The following KCNJ6 variants were observed in gnomAD, a reference collection of about 807,000 sequenced individuals.
The protein encoded by KCNJ6 is potassium inwardly rectifying channel subfamily J member 6.
KCNJ6 carries 9 observed loss-of-function variants against 34.2 expected under a neutral mutation model. That is an observed-to-expected ratio of 0.26 (90% CI 0.16 to 0.46). The LOEUF (loss-of-function observed/expected upper bound fraction) is 0.46, where lower values mean the gene tolerates loss of function less well. Ranked by LOEUF, KCNJ6 falls within the 20% of genes least tolerant of loss-of-function variation. The probability of loss-of-function intolerance (pLI) is 1.00; values close to 1 mark genes in which losing one functional copy is unlikely to be tolerated. For synonymous variants in KCNJ6, 196 were observed against 207.1 expected (o/e 0.95, Z 0.46); for missense variants, 236 against 531.3 (o/e 0.44, Z 5.46).
At chr21:37,883,533 T>C (rs1013762572) in intron 1 of KCNJ6, among the ~76,000 whole-genome samples, 4 of 152,202 alleles carry the variant, frequency 2.6e-5, no homozygotes, top group African/African-American at 9.7e-5. Context: ...TAGTGCCAGG[T>C]GGGACATGGC....
chr21:37,700,515 G>A (rs1232450163), intron 3 of KCNJ6, among the ~76,000 whole-genome samples: 1 of 152,164 alleles, frequency 6.6e-6, no homozygotes, highest in African/African-American at 2.4e-5. Context: ...GAGTTGAGGG[G>A]ATGAGATTTT....
intron 1 of KCNJ6, among the ~76,000 whole-genome samples, chr21:37,858,803 A>G (rs769295689): frequency 6.6e-5 from 10 of 152,200 alleles, no homozygotes; most frequent in Non-Finnish European, 1.2e-4. Context: ...AAAGGGAGCT[A>G]TAGAAATATA....
At chr21:37,909,089 T>C (rs567154698) in intron 1 of KCNJ6, among the ~76,000 whole-genome samples, 49 of 152,320 alleles carry the variant, frequency 3.2e-4, no homozygotes, top group African/African-American at 1.1e-3. Flanking sequence ...GCTAGTTGGA[T>C]ATCACCACTC....
intron 1 of KCNJ6, among the ~76,000 whole-genome samples, chr21:37,860,159 G>A (rs73904477): frequency 0.023 from 3,521 of 152,134 alleles, 142 homozygotes; most frequent in African/African-American, 0.08. Flanking sequence ...CCTGCTGCTC[G>A]GTCCTACACT....
chr21:37,901,872 C>A (rs970461943), intron 1 of KCNJ6, among the ~76,000 whole-genome samples: 8 of 152,140 alleles, frequency 5.3e-5, no homozygotes, highest in Non-Finnish European at 8.8e-5. Flanking sequence ...ATTATAAAAT[C>A]ATTAAATTGT....
At chr21:37,768,086 T>A in intron 2 of KCNJ6, among the ~76,000 whole-genome samples, 1 of 137,248 alleles carries the variant, frequency 7.3e-6, no homozygotes, top group Admixed American at 7.1e-5. Context: ...TGTATGGACT[T>A]TTTTTTTTTT....
chr21:37,915,813 C>G (rs2055890740), intron 1 of KCNJ6, 71 bp downstream of exon 1: 1 of 152,272 alleles, frequency 6.6e-6, no homozygotes, highest in Non-Finnish European at 1.5e-5. Context: ...CGCGGGGACC[C>G]GAGAGCACGG....
intron 3 of KCNJ6, among the ~76,000 whole-genome samples, chr21:37,667,199 G>A (rs1322631368): frequency 3.6e-5 from 4 of 111,118 alleles, no homozygotes; most frequent in Admixed American, 2.0e-4. Context: ...ATGAGGCAAC[G>A]CAGGCAAAGT....
intron 1 of KCNJ6, among the ~76,000 whole-genome samples, chr21:37,908,520 T>A (rs2055852368): frequency 6.6e-6 from 1 of 152,226 alleles, no homozygotes; most frequent in Non-Finnish European, 1.5e-5. Context: ...AGACAGCATC[T>A]AATTCTTCAG....
At chr21:37,744,374 G>C (rs913133042) in intron 2 of KCNJ6, among the ~76,000 whole-genome samples, 3 of 152,042 alleles carry the variant, frequency 2.0e-5, no homozygotes, top group African/African-American at 7.2e-5. Flanking sequence ...GATAAGCTGA[G>C]AGGTGACTGG....
In KCNJ6 at chr21:37,910,186, C is replaced by T. The variant is rs572920200; in HGVS notation, c.-28+5698G>A. On this transcript the variant is annotated intron_variant, in intron 1 of 3. Transcript: ENST00000609713. Reference sequence around the variant, plus strand: ...TAATACGCCTTTGTTTTGTAAGCCACTGAGATGCTGGGGTTGCTGTTACTG... The same window carrying T: ...TAATACGCCTTTGTTTTGTAAGCCATTGAGATGCTGGGGTTGCTGTTACTG... 1.2e-4 allele frequency among the ~76,000 whole-genome samples: 18 copies of T among 152,272 alleles called. 1 individual carries two copies. Among genetic ancestry groups the T allele is most frequent in the African/African-American group, 3.9e-4 (16 of 41,548 alleles).
At position 37,828,432 on chromosome 21, in the gene KCNJ6, G is replaced by A. The variant is rs190334427; in HGVS notation, c.25+12226C>T. Among the ~76,000 whole-genome samples, 469 of 152,300 alleles carry A rather than the reference G, an allele frequency of 3.1e-3. 1 individual carries two copies. The highest frequency in any genetic ancestry group is 0.014 in the Middle Eastern group (4 of 294). On this transcript the variant is annotated intron_variant, in intron 2 of 3. Transcript: ENST00000609713. ...GCTTCCCTTCCCCAGCTGAATTCAGGGAGCCTGTGGGCTGTCCCAGCTCAC... is the reference window on the plus strand; with the variant it reads ...GCTTCCCTTCCCCAGCTGAATTCAGAGAGCCTGTGGGCTGTCCCAGCTCAC...
At chr21:37,828,775 C>T (rs546507184) in intron 2 of KCNJ6, among the ~76,000 whole-genome samples, 1 of 152,188 alleles carries the variant, frequency 6.6e-6, no homozygotes, top group Non-Finnish European at 1.5e-5. Flanking sequence ...GGCTGAGGCT[C>T]AGCGCTTCCT....
At chr21:37,822,096 A>G (rs780916418) in intron 2 of KCNJ6, among the ~76,000 whole-genome samples, 1 of 152,216 alleles carries the variant, frequency 6.6e-6, no homozygotes, top group Non-Finnish European at 1.5e-5. Context: ...ACTGAACTGC[A>G]ACCTGAAGCT....
chr21:37,749,059 A>G (rs530735931), intron 2 of KCNJ6, among the ~76,000 whole-genome samples: 2 of 152,314 alleles, frequency 1.3e-5, no homozygotes, highest in African/African-American at 4.8e-5. Context: ...ATATTTATAT[A>G]TAATAAACAC....
Position 37,607,482 on chromosome 21 carries a change from A to ATATATATTT in KCNJ6, c.*17676_*17677insAAATATATA. 852 of 136,726 alleles carry ATATATATTT rather than the reference A, an allele frequency of 6.2e-3. 10 individuals carry two copies. Among genetic ancestry groups the ATATATATTT allele is most frequent in the African/African-American group, 0.021 (774 of 36,444 alleles). The allele number at this position is 136,726 out of a possible 1,614,324, so 8.5% of individuals were successfully genotyped here. A position where few individuals can be genotyped will look rare whatever the true frequency, so the allele number is the denominator to read the frequency against. On this transcript the variant is annotated 3_prime_UTR_variant, in exon 4 of 4. Coordinates refer to ENST00000609713, the MANE Select transcript of KCNJ6 (RefSeq NM_002240.5). ...CTTAAAGATATATATATATATATAT[A>ATATATATTT]TTTTTTTTTTATTTTAAAAAAATTT...
At chr21:37,641,126 A>G (rs1601399313) in intron 3 of KCNJ6, among the ~76,000 whole-genome samples, 1 of 152,242 alleles carries the variant, frequency 6.6e-6, no homozygotes, top group East Asian at 1.9e-4. Flanking sequence ...TTTTTCACCA[A>G]ATTGTAACTG....
chr21:37,680,588 T>C (rs564398446), intron 3 of KCNJ6, among the ~76,000 whole-genome samples: 29 of 152,350 alleles, frequency 1.9e-4, no homozygotes, highest in Admixed American at 3.3e-4. Flanking sequence ...CCTTATTCAA[T>C]CTGCTGAAGC....
intron 1 of KCNJ6, among the ~76,000 whole-genome samples, chr21:37,885,281 C>A (rs1343718074): frequency 1.3e-5 from 2 of 152,128 alleles, no homozygotes; most frequent in Non-Finnish European, 2.9e-5. Flanking sequence ...GACACAGCCA[C>A]CTTTGTCAGT....
Sources: allele counts gnomAD v4.1 joint callset (sites outside exome capture counted in the v4.1 genomes callset), GRCh38; gene constraint gnomAD v4.1.1; transcripts MANE v1.5; gene names NCBI Gene and HGNC (gene_info 2026-07-23, HGNC 2026-07-21).